The following SCAPER variants were observed in gnomAD, a reference collection of about 807,000 sequenced individuals.
SCAPER encodes the protein S-phase cyclin A associated protein in the ER.
In SCAPER, 98 loss-of-function variants were observed where a neutral mutation model predicts 182.2. That is an observed-to-expected ratio of 0.54 (90% CI 0.46 to 0.64). SCAPER has a LOEUF of 0.64. SCAPER is among the 30% of genes least tolerant of loss of function. The pLI is 0.00. For synonymous variants in SCAPER, 605 were observed against 564.6 expected, an observed-to-expected ratio of 1.07 and a Z score of -1.01; for missense variants, 1,432 against 1,690.0, an observed-to-expected ratio of 0.85 and a Z score of 2.68.
intron 2 of SCAPER, among the ~76,000 whole-genome samples, chr15:76,873,659 G>C (rs2072944685): frequency 6.6e-6 from 1 of 152,034 alleles, no homozygotes; most frequent in Non-Finnish European, 1.5e-5. Context: ...AAAAAATTAA[G>C]TAACAATATA....
At position 76,690,937 on chromosome 15, in the gene SCAPER, TTA is replaced by T. The variant is rs1387896162; in HGVS notation, c.2508+10819_2508+10820del. 3.9e-5 allele frequency among the ~76,000 whole-genome samples: 6 copies of T among 152,198 alleles called. No homozygotes were observed. The East Asian group carries it at 9.6e-4, about 24-fold the overall frequency. On this transcript the variant is annotated intron_variant, in intron 20 of 31. Transcript: ENST00000563290. ...ATATGAACACAGTGAACCCAAAATA[TTA>T]TATCTTTGAAGAGGTATTTCCACTG...
intron 25 of SCAPER, among the ~76,000 whole-genome samples, chr15:76,455,502 T>C (rs2048662770): frequency 6.6e-6 from 1 of 152,202 alleles, no homozygotes; most frequent in Non-Finnish European, 1.5e-5. Context: ...GGTCTCGCTA[T>C]GTTGCCCAGG....
chr15:76,728,782 A>G (rs1012721001), intron 16 of SCAPER, 45 bp from the exon 17 acceptor site: 1 of 1,554,336 alleles, frequency 6.4e-7, no homozygotes, highest in Non-Finnish European at 8.7e-7. Flanking sequence ...TTATGTGTAA[A>G]ATAAAAATGA....
intron 27 of SCAPER, among the ~76,000 whole-genome samples, chr15:76,397,578 T>C (rs2044161411): frequency 6.7e-6 from 1 of 149,372 alleles, no homozygotes; most frequent in African/African-American, 2.4e-5. Context: ...CCTCCCAGGT[T>C]CAAGCAATTC....
chr15:76,751,796 A>AAGTGTCACGACACT (rs1376346852), intron 15 of SCAPER, among the ~76,000 whole-genome samples: 2 of 151,944 alleles, frequency 1.3e-5, no homozygotes, highest in Non-Finnish European at 3.0e-5. Context: ...CACAGGATCA[A>AAGTGTCACGACACT]AGTGTCACGA....
At chr15:76,585,167 G>C (rs1255670655) in intron 22 of SCAPER, among the ~76,000 whole-genome samples, 1 of 151,974 alleles carries the variant, frequency 6.6e-6, no homozygotes, top group Non-Finnish European at 1.5e-5. Flanking sequence ...TTAAAAGTCA[G>C]GATAATATAT....
At chr15:76,421,063 T>C (rs2046000640) in intron 26 of SCAPER, among the ~76,000 whole-genome samples, 1 of 152,250 alleles carries the variant, frequency 6.6e-6, no homozygotes, top group Non-Finnish European at 1.5e-5. Flanking sequence ...CTATTGTGAA[T>C]AGTGCCACAA....
chr15:76,358,330 G>A (rs1288250660), intron 29 of SCAPER, among the ~76,000 whole-genome samples: 1 of 152,228 alleles, frequency 6.6e-6, no homozygotes, highest in African/African-American at 2.4e-5. Flanking sequence ...GTGGACACCT[G>A]GAAACCGTAG....
intron 21 of SCAPER, among the ~76,000 whole-genome samples, chr15:76,653,617 C>T (rs1227694764): frequency 1.3e-5 from 2 of 152,122 alleles, no homozygotes; most frequent in African/African-American, 4.8e-5. Flanking sequence ...AAAAGAATTC[C>T]CCATTCGATA....
At chr15:76,523,749 A>G (rs560399948) in intron 23 of SCAPER, among the ~76,000 whole-genome samples, 3 of 152,216 alleles carry the variant, frequency 2.0e-5, no homozygotes, top group African/African-American at 7.2e-5. Context: ...TACATACTTT[A>G]TATATGAAAA....
intron 4 of SCAPER, among the ~76,000 whole-genome samples, chr15:76,843,794 T>C (rs1053308080): frequency 1.3e-5 from 2 of 151,394 alleles, no homozygotes; most frequent in Admixed American, 6.6e-5. Context: ...CTTGAAGCTC[T>C]CTTTAAAAAA....
chr15:76,861,428 G>A (rs2071855019), intron 3 of SCAPER, among the ~76,000 whole-genome samples: 1 of 152,092 alleles, frequency 6.6e-6, no homozygotes, highest in Admixed American at 6.6e-5. Context: ...ACACCTACCT[G>A]AATCTAGTCA....
intron 26 of SCAPER, among the ~76,000 whole-genome samples, chr15:76,409,025 TTAC>T (rs2045077854): frequency 6.6e-6 from 1 of 152,128 alleles, no homozygotes; most frequent in Admixed American, 6.5e-5. Flanking sequence ...CTCCTATAGG[TTAC>T]TGGGCCATCT....
At position 76,348,712 on chromosome 15, in the gene SCAPER, T is replaced by A; in HGVS notation, c.4124A>T (p.Tyr1375Phe). The A allele has an allele frequency of 1.3e-6, 2 of 1,551,042 alleles. No homozygotes were observed. The highest frequency in any genetic ancestry group is 1.7e-6 in the Non-Finnish European group (2 of 1,145,660). The stretch of plus-strand genomic sequence containing the variant: ...AGGAAATCTGTTAGCCAGCTCAAGA[T>A]AGTCTTGGGAACCAAGGCATTTCCC... Reference protein sequence around the residue: ...PKGKCLGSQDYLELANRFPQQ... With the variant: ...PKGKCLGSQDFLELANRFPQQ... Residue 1375 changes from tyrosine to phenylalanine, a missense_variant, in exon 32 of 32, where the codon TAT (tyrosine) becomes TTT (phenylalanine). Physicochemically the swap from Tyr to Phe is conservative, Grantham distance 22. Transcript: ENST00000563290.
intron 23 of SCAPER, among the ~76,000 whole-genome samples, chr15:76,557,085 A>C (rs1445577338): frequency 6.6e-6 from 1 of 152,184 alleles, no homozygotes; most frequent in Non-Finnish European, 1.5e-5. Context: ...GAAATTGACA[A>C]AACACTGCTG....
Position 76,753,717 on chromosome 15 carries a change from T to G in SCAPER, c.1866+91A>C, listed in dbSNP as rs146555619. On this transcript the variant is annotated intron_variant, in intron 15 of 31. Transcript: ENST00000563290. ...CTGTTATTCTACAACAGAATAAACA[T>G]TGGATAAACATTATCTTCTATTACT... 368 of 1,387,008 alleles carry G rather than the reference T, an allele frequency of 2.7e-4. 4 individuals carry two copies. In the East Asian group the frequency reaches 8.3e-3, roughly 31 times the overall value. 85.9% of individuals were successfully genotyped at this position (1,387,008 alleles called of 1,614,324 possible).
chr15:76,421,561 T>C (rs2046043642), intron 26 of SCAPER, among the ~76,000 whole-genome samples: 1 of 152,282 alleles, frequency 6.6e-6, no homozygotes, highest in African/African-American at 2.4e-5. Flanking sequence ...TTTTCTCCCA[T>C]TCTGTAGGTT....
Position 76,733,231 on chromosome 15 carries a change from G to A in SCAPER, c.2020C>T (p.Gln674Ter). The A allele has an allele frequency of 6.4e-7, 1 of 1,563,948 alleles. No individual in the cohort carries two copies. The highest frequency in any genetic ancestry group is 8.7e-7 in the Non-Finnish European group (1 of 1,153,358). ...TTTGCTGAATAAAAAAATCCTACCT[G>A]CACAGCTTCATCACGTGCTTGCTTT... The part of the protein sequence containing the change: ...EEKQARDEAV[Q>*]ERKRALEAER... The change falls in exon 16 of 32, where the codon CAG becomes TAG. Residue 674 changes from glutamine (Q) to a stop codon, truncating the protein, a stop_gained and splice_region_variant. Coordinates refer to ENST00000563290, the MANE Select transcript of SCAPER (RefSeq NM_020843.4). LOFTEE classifies it high-confidence loss of function.
At chr15:76,718,485 T>C (rs1393124250) in intron 17 of SCAPER, among the ~76,000 whole-genome samples, 1 of 151,648 alleles carries the variant, frequency 6.6e-6, no homozygotes, top group African/African-American at 2.4e-5. Flanking sequence ...GGTCAGGAGT[T>C]CGAAAATCAG....
Sources: gnomAD v4.1 joint callset for allele counts (sites outside exome capture counted in the v4.1 genomes callset) on GRCh38, gnomAD v4.1.1 for gene constraint, MANE v1.5 for transcripts, NCBI Gene and HGNC (gene_info 2026-07-23, HGNC 2026-07-21) for gene names.